The following EIF3E variants were observed in gnomAD, a reference collection of about 807,000 sequenced individuals.
EIF3E encodes the protein eIF-3 p48.
In EIF3E, 25 loss-of-function variants were observed where a neutral mutation model predicts 59.3. The ratio of observed to expected loss-of-function variants is 0.42; its 90% CI spans 0.31 to 0.59. The LOEUF is 0.59. EIF3E is among the 20% of genes least tolerant of loss of function. The pLI, the probability that EIF3E is intolerant of heterozygous loss-of-function variation, is 0.15. For synonymous variants in EIF3E, 176 were observed against 170.2 expected, an observed-to-expected ratio of 1.03 and a Z score of -0.26; for missense variants, 317 against 534.3, an observed-to-expected ratio of 0.59 and a Z score of 4.01.
intron 10 of EIF3E, among the ~76,000 whole-genome samples, chr8:108,205,195 A>G (rs967366257): frequency 6.6e-6 from 1 of 152,070 alleles, no homozygotes; most frequent in African/African-American, 2.4e-5. Context: ...CATAGCACCT[A>G]TTTTTGCTAT....
intron 10 of EIF3E, among the ~76,000 whole-genome samples, chr8:108,209,566 T>C (rs1815168664): frequency 6.6e-6 from 1 of 152,168 alleles, no homozygotes; most frequent in Non-Finnish European, 1.5e-5. Flanking sequence ...TTTTAAGTTC[T>C]TTGAAAGTGT....
At chr8:108,204,778 G>C (rs1382733075) in intron 10 of EIF3E, among the ~76,000 whole-genome samples, 2 of 123,686 alleles carry the variant, frequency 1.6e-5, no homozygotes, top group Non-Finnish European at 3.2e-5. Flanking sequence ...GAGAGAGAGA[G>C]AGACAGAGAG....
At chr8:108,237,234 C>A (rs1815750571) in intron 3 of EIF3E, among the ~76,000 whole-genome samples, 1 of 152,022 alleles carries the variant, frequency 6.6e-6, no homozygotes, top group South Asian at 2.1e-4. Context: ...TGTATAGTTG[C>A]CCACCTTATG....
intron 7 of EIF3E, among the ~76,000 whole-genome samples, chr8:108,224,610 A>G (rs768735087): frequency 2.0e-5 from 3 of 151,600 alleles, no homozygotes; most frequent in Non-Finnish European, 2.9e-5. Flanking sequence ...GAAAACAGTA[A>G]ACACAGTACT....
chr8:108,234,082 C>G (rs182622744), intron 5 of EIF3E, among the ~76,000 whole-genome samples: 37 of 152,192 alleles, frequency 2.4e-4, no homozygotes, highest in African/African-American at 8.9e-4. Context: ...ACCCAGGCTG[C>G]AGTGCAGTGG....
intron 4 of EIF3E, among the ~76,000 whole-genome samples, chr8:108,235,420 C>T (rs1815709438): frequency 6.6e-6 from 1 of 152,190 alleles, no homozygotes. Flanking sequence ...AGCGTGCAAC[C>T]TAGATCCCTT....
chr8:108,218,768 TTTTTA>T (rs1487239934), intron 7 of EIF3E, among the ~76,000 whole-genome samples: 13 of 146,934 alleles, frequency 8.8e-5, no homozygotes, highest in African/African-American at 1.5e-4. Context: ...TGATTTTATT[TTTTTA>T]TTTTATTTCT....
At chr8:108,206,316 C>T (rs1028589069) in intron 10 of EIF3E, among the ~76,000 whole-genome samples, 5 of 151,258 alleles carry the variant, frequency 3.3e-5, no homozygotes, top group African/African-American at 1.2e-4. Flanking sequence ...CAAAGTGAGA[C>T]CCCCATGTCA....
intron 10 of EIF3E, among the ~76,000 whole-genome samples, chr8:108,208,409 G>A (rs1022372777): frequency 2.0e-5 from 3 of 152,120 alleles, no homozygotes; most frequent in African/African-American, 7.2e-5. Flanking sequence ...TAAAGAATCA[G>A]TGTTAAGTGT....
At chr8:108,236,488 A>C (rs1313955851) in intron 3 of EIF3E, among the ~76,000 whole-genome samples, 2 of 152,226 alleles carry the variant, frequency 1.3e-5, no homozygotes, top group Non-Finnish European at 2.9e-5. Context: ...TTGTCAGACA[A>C]TAAAACCAGA....
intron 4 of EIF3E, 86 bp downstream of exon 4, chr8:108,236,075 C>A: frequency 9.8e-7 from 1 of 1,016,288 alleles, no homozygotes; most frequent in South Asian, 2.2e-5. Flanking sequence ...TATTCTTAGG[C>A]CAAGCCATAA....
chr8:108,219,817 G>A (rs1291649431), intron 7 of EIF3E, among the ~76,000 whole-genome samples: 1 of 151,868 alleles, frequency 6.6e-6, no homozygotes, highest in Non-Finnish European at 1.5e-5. Context: ...CTGGGTGACA[G>A]AGCAAGACCC....
At chr8:108,202,025 C>CT in intron 12 of EIF3E, 102 bp from the exon 13 acceptor site, 1 of 1,103,026 alleles carries the variant, frequency 9.1e-7, no homozygotes, top group Non-Finnish European at 1.2e-6. Flanking sequence ...GCACTATAGT[C>CT]TCTTGCCAAA....
In EIF3E at chr8:108,228,344, A is replaced by G. The variant is rs1049081744; in HGVS notation, c.645T>C (p.Ile215=). The G allele has an allele frequency of 6.2e-7, 1 of 1,608,420 alleles. No individual in the cohort carries two copies. Among genetic ancestry groups the G allele is most frequent in the Admixed American group, 1.7e-5 (1 of 59,584 alleles). Residue 215 remains isoleucine, a synonymous_variant, in exon 7 of 13, where the codon ATT becomes ATC. Coordinates refer to ENST00000220849, the MANE Select transcript of EIF3E (RefSeq NM_001568.3). Reference sequence around the variant, plus strand: ...TGAAGAAAACAAACAGAGACCAGTGAATGAGCCATGTTCTCTGCTGAAGAG... The same window carrying G: ...TGAAGAAAACAAACAGAGACCAGTGGATGAGCCATGTTCTCTGCTGAAGAG... ...LQSLQQRTWL[I]HWSLFVFFNH... is the part of the protein sequence containing the mutation.
In EIF3E at chr8:108,215,672, T is replaced by C. The variant is rs28715423; in HGVS notation, c.951+740A>G. 4.1e-3 allele frequency among the ~76,000 whole-genome samples: 629 copies of C among 152,228 alleles called. 4 individuals carry two copies. Among genetic ancestry groups the C allele is most frequent in the African/African-American group, 0.014 (599 of 41,530 alleles). ...GAATGGATATTTGCATGATCATTTT[T>C]TTCCTTAGAGAAGTAAGATATTTGT... On this transcript the variant is annotated intron_variant, in intron 9 of 12. Transcript: ENST00000220849.
At chr8:108,235,529 T>A (rs1395292830) in intron 4 of EIF3E, among the ~76,000 whole-genome samples, 1 of 152,230 alleles carries the variant, frequency 6.6e-6, no homozygotes, top group African/African-American at 2.4e-5. Flanking sequence ...CTTGCTCACC[T>A]TCTGATCATC....
chr8:108,238,334 C>G (rs546240460), intron 3 of EIF3E, among the ~76,000 whole-genome samples: 1 of 152,136 alleles, frequency 6.6e-6, no homozygotes, highest in Non-Finnish European at 1.5e-5. Context: ...TTGCCTACCC[C>G]CTACTCACGA....
Position 108,242,306 on chromosome 8 carries a change from T to A in EIF3E, c.91-393A>T, listed in dbSNP as rs189543912. The A allele has an allele frequency of 2.3e-6, 3 of 1,290,038 alleles. No individual in the cohort carries two copies. In the Admixed American group the frequency reaches 6.9e-5, roughly 30 times the overall value. The allele number at this position is 1,290,038 out of a possible 1,614,324, so 79.9% of individuals were successfully genotyped here. On this transcript the variant is annotated intron_variant, in intron 1 of 12. Coordinates refer to ENST00000220849, the MANE Select transcript of EIF3E (RefSeq NM_001568.3). ...TTCTCCACATCCAGGTAATCAGTAA[T>A]AAACTCCTATATGCTTCTCCATCCA...
At chr8:108,220,145 CAA>C (rs1187906919) in intron 7 of EIF3E, among the ~76,000 whole-genome samples, 8 of 104,024 alleles carry the variant, frequency 7.7e-5, no homozygotes, top group South Asian at 3.4e-4. Flanking sequence ...CTCCATCTCC[CAA>C]AAAAAAAAAA....
Sources: allele counts gnomAD v4.1 joint callset (sites outside exome capture counted in the v4.1 genomes callset), GRCh38; gene constraint gnomAD v4.1.1; transcripts MANE v1.5; gene names NCBI Gene and HGNC (gene_info 2026-07-23, HGNC 2026-07-21).